The following CDH11 variants were observed in gnomAD, a reference collection of about 807,000 sequenced individuals.
The protein encoded by CDH11 is cadherin-11.
Under a neutral mutation model 67.8 loss-of-function variants are expected in CDH11, and 11 were observed. The observed-to-expected ratio is 0.16, with a 90% CI of 0.10 to 0.27. CDH11 has a LOEUF of 0.27. CDH11 is among the 10% of genes least tolerant of loss of function. The pLI, the probability that CDH11 is intolerant of heterozygous loss-of-function variation, is 1.00. For missense variants in CDH11, 847 were observed against 1,031.2 expected (o/e 0.82, Z 2.45); for synonymous variants, 419 against 400.0 (o/e 1.05, Z -0.57).
chr16:65,014,259 T>C (rs2073247075), intron 2 of CDH11, among the ~76,000 whole-genome samples: 2 of 152,188 alleles, frequency 1.3e-5, no homozygotes, highest in African/African-American at 4.8e-5. Context: ...GGTCGTTCAA[T>C]AGAAACATAA....
intron 2 of CDH11, among the ~76,000 whole-genome samples, chr16:65,017,208 G>A (rs1008741051): frequency 3.3e-5 from 5 of 152,016 alleles, no homozygotes; most frequent in Non-Finnish European, 7.4e-5. Flanking sequence ...TAACCTCCTG[G>A]CAATGCAGCC....
chr16:65,091,798 G>A (rs544449514), intron 1 of CDH11, among the ~76,000 whole-genome samples: 3 of 152,094 alleles, frequency 2.0e-5, no homozygotes, highest in Admixed American at 6.5e-5. Context: ...TGATCCACCC[G>A]AGATTAGGCC....
intron 11 of CDH11, among the ~76,000 whole-genome samples, chr16:64,969,780 TAC>T (rs1189555900): frequency 6.6e-6 from 1 of 151,480 alleles, no homozygotes. Context: ...TTCAGCTCAG[TAC>T]ACATTTTTAA....
chr16:65,074,111 A>G (rs563038495), intron 1 of CDH11, among the ~76,000 whole-genome samples: 21 of 152,276 alleles, frequency 1.4e-4, no homozygotes, highest in African/African-American at 4.6e-4. Context: ...GCAAATACCT[A>G]TTGACTCCTG....
rs780620859 is a variant in CDH11, at chr16:64,950,779, C to A, written c.1882G>T (p.Val628Phe). 6.2e-6 allele frequency: 10 copies of A among 1,613,658 alleles called. No individual in the cohort carries two copies. The highest frequency in any genetic ancestry group is 7.6e-6 in the Non-Finnish European group (9 of 1,179,698). Residue 628 changes from valine to phenylalanine, a missense_variant, in exon 12 of 13, where the codon GTC (valine) becomes TTC (phenylalanine). Physicochemically the swap from Val to Phe is conservative, Grantham distance 50. This residue lies in a region of CDH11 where 612 missense variants were observed against 678.7 expected (regional missense o/e 0.90). Coordinates refer to ENST00000268603, the MANE Select transcript of CDH11 (RefSeq NM_001797.4). ...GAAGCGCCCTTACCCAGGAGAATGA[C>A]GATGCAGGCGAGGATGGCGATCAGG... Reference protein sequence around the residue: ...GALIAILACIVILLVIVVLFV... With the variant: ...GALIAILACIFILLVIVVLFV...
At chr16:64,961,664 A>G (rs1255433261) in intron 11 of CDH11, among the ~76,000 whole-genome samples, 1 of 152,146 alleles carries the variant, frequency 6.6e-6, no homozygotes, top group East Asian at 1.9e-4. Flanking sequence ...CAAGCCTTTA[A>G]TCTCTAGGCC....
intron 11 of CDH11, among the ~76,000 whole-genome samples, chr16:64,963,698 A>G (rs891301427): frequency 9.9e-5 from 15 of 152,170 alleles, no homozygotes; most frequent in African/African-American, 3.6e-4. Context: ...AAAAATGCTG[A>G]AAGAGGTCAG....
intron 2 of CDH11, among the ~76,000 whole-genome samples, chr16:65,051,590 C>T (rs1477132919): frequency 3.3e-5 from 5 of 152,190 alleles, no homozygotes; most frequent in African/African-American, 4.8e-5. Context: ...CCACCCAAAT[C>T]TCATCTCAAT....
chr16:65,074,156 T>G (rs78057521), intron 1 of CDH11, among the ~76,000 whole-genome samples: 7,637 of 152,258 alleles, frequency 0.05, 276 homozygotes, highest in Non-Finnish European at 0.072. Flanking sequence ...TTAACTTTCA[T>G]TCCCTTATTC....
chr16:65,070,096 T>C (rs563359820), intron 1 of CDH11, among the ~76,000 whole-genome samples: 141 of 152,302 alleles, frequency 9.3e-4, no homozygotes, highest in African/African-American at 3.2e-3. Flanking sequence ...CACTGTACGA[T>C]TGTGGCAAAT....
intron 1 of CDH11, among the ~76,000 whole-genome samples, chr16:65,075,998 GGAA>G (rs1270020005): frequency 2.6e-5 from 4 of 152,288 alleles, no homozygotes; most frequent in Non-Finnish European, 4.4e-5. Flanking sequence ...AGCATGTGTA[GGAA>G]GAAGAAGGCA....
In CDH11 at chr16:65,051,310, T is replaced by A. The variant is rs574836260; in HGVS notation, c.-173+2494A>T. ...AAAACACCTGAGAAATTATCAGAAA[T>A]GTATAGTTCCCAGTCACAGGGGACT... On this transcript the variant is annotated intron_variant, in intron 2 of 12. Coordinates refer to ENST00000268603, the MANE Select transcript of CDH11 (RefSeq NM_001797.4). 4.6e-5 allele frequency among the ~76,000 whole-genome samples: 7 copies of A among 152,168 alleles called. No homozygotes were observed. In the South Asian group the frequency reaches 1.0e-3, roughly 23 times the overall value.
chr16:65,112,561 G>GGGA (rs2075178557), intron 1 of CDH11, among the ~76,000 whole-genome samples: 1 of 152,094 alleles, frequency 6.6e-6, no homozygotes, highest in Non-Finnish European at 1.5e-5. Flanking sequence ...CTCGTGATTT[G>GGGA]ACCACTTCTG....
chr16:65,035,856 T>C (rs2073744352), intron 2 of CDH11, among the ~76,000 whole-genome samples: 1 of 152,176 alleles, frequency 6.6e-6, no homozygotes, highest in Non-Finnish European at 1.5e-5. Context: ...AGAGTTGGAC[T>C]GAGGCTGGAA....
intron 1 of CDH11, among the ~76,000 whole-genome samples, chr16:65,092,997 C>T (rs1284244345): frequency 3.4e-5 from 5 of 145,744 alleles, no homozygotes; most frequent in African/African-American, 1.3e-4. Context: ...AGTGCAGTGG[C>T]GTGATCTTGG....
At chr16:64,971,309 G>A (rs2071998379) in intron 11 of CDH11, among the ~76,000 whole-genome samples, 1 of 152,124 alleles carries the variant, frequency 6.6e-6, no homozygotes, top group Non-Finnish European at 1.5e-5. Flanking sequence ...AAATGGAGTT[G>A]TTTGCATATT....
chr16:65,061,882 T>C (rs1211053883), intron 1 of CDH11, among the ~76,000 whole-genome samples: 1 of 152,220 alleles, frequency 6.6e-6, no homozygotes, highest in African/African-American at 2.4e-5. Flanking sequence ...TTTCATCTTA[T>C]GACAATCTTA....
chr16:65,068,180 G>A (rs2074351956), intron 1 of CDH11, among the ~76,000 whole-genome samples: 1 of 149,874 alleles, frequency 6.7e-6, no homozygotes, highest in South Asian at 2.1e-4. Flanking sequence ...AGGAAAGGAA[G>A]AAAGGAAGGA....
At chr16:65,092,169 T>G (rs528885645) in intron 1 of CDH11, among the ~76,000 whole-genome samples, 1 of 152,314 alleles carries the variant, frequency 6.6e-6, no homozygotes, top group Non-Finnish European at 1.5e-5. Flanking sequence ...GCACAGTGAT[T>G]GCTACACTGC....
Sources: gnomAD v4.1 joint callset for allele counts (sites outside exome capture counted in the v4.1 genomes callset) on GRCh38, gnomAD v4.1.1 for gene constraint, gnomAD v4.1.1 regional missense constraint, MANE v1.5 for transcripts, NCBI Gene and HGNC (gene_info 2026-07-23, HGNC 2026-07-21) for gene names.